CDKL4: variants seen among roughly 807,000 people sequenced by gnomAD.
CDKL4 encodes cyclin dependent kinase like 4.
In CDKL4, 44 loss-of-function variants were observed where a neutral mutation model predicts 42.0. That is an observed-to-expected ratio of 1.05 (90% CI 0.82 to 1.35). The LOEUF (loss-of-function observed/expected upper bound fraction) is 1.35, where lower values mean the gene tolerates loss of function less well. Ranked by LOEUF, CDKL4 falls within the 40% of genes most tolerant of loss-of-function variation. The pLI, the probability that CDKL4 is intolerant of heterozygous loss-of-function variation, is 0.00. For missense variants in CDKL4, 393 were observed against 369.9 expected (o/e 1.06, Z -0.51); for synonymous variants, 120 against 121.6 (o/e 0.99, Z 0.09).
In CDKL4 at chr2:39,211,159, G is replaced by T. The variant is rs112312974; in HGVS notation, c.363+2241C>A. Among the ~76,000 whole-genome samples the T allele has an allele frequency of 7.4e-3, 1,132 of 152,196 alleles. 14 individuals carry two copies. The highest frequency in any genetic ancestry group is 0.026 in the African/African-American group (1,089 of 41,510). On this transcript the variant is annotated intron_variant, in intron 4 of 9. Transcript: ENST00000451199. ...GCAGTGGTTCACACCTGTAATCCTGGCACTTTGGGCAGCCAAGGCAGGAGT... is the reference window on the plus strand; with the variant it reads ...GCAGTGGTTCACACCTGTAATCCTGTCACTTTGGGCAGCCAAGGCAGGAGT...
chr2:39,225,704 G>C (rs771945871), intron 3 of CDKL4, 135 bp downstream of exon 3: 1 of 791,010 alleles, frequency 1.3e-6, no homozygotes. Context: ...GACATCCTGA[G>C]ACTGGATGGG....
At chr2:39,246,267 C>G (rs1221332427), upstream of CDKL4, among the ~76,000 whole-genome samples, 1 of 152,188 alleles carries the variant, frequency 6.6e-6, no homozygotes, top group Non-Finnish European at 1.5e-5. Context: ...AAACCTTTAT[C>G]TCCTTCCTCT....
intron 8 of CDKL4, among the ~76,000 whole-genome samples, chr2:39,183,284 C>T (rs1301897005): frequency 6.6e-6 from 1 of 151,416 alleles, no homozygotes; most frequent in African/African-American, 2.4e-5. Context: ...AAAAAAATGT[C>T]TCAATTGCAA....
At chr2:39,175,450 C>T (rs1378793192), downstream of CDKL4, among the ~76,000 whole-genome samples, 1 of 152,136 alleles carries the variant, frequency 6.6e-6, no homozygotes, top group Non-Finnish European at 1.5e-5. Flanking sequence ...CAAAGGAGAG[C>T]CTGCCATGGA....
intron 3 of CDKL4, among the ~76,000 whole-genome samples, chr2:39,218,577 T>C (rs549203893): frequency 2.0e-5 from 3 of 152,222 alleles, no homozygotes; most frequent in South Asian, 2.1e-4. Flanking sequence ...TTTGAATCAG[T>C]AGACCGCGTA....
downstream of CDKL4, among the ~76,000 whole-genome samples, chr2:39,173,214 C>G (rs201964165): frequency 1.3e-5 from 2 of 152,044 alleles, no homozygotes; most frequent in African/African-American, 4.8e-5. Context: ...TATATAGATA[C>G]ATAATATAGA....
At chr2:39,243,826 C>A (rs527398077) in intron 1 of CDKL4, among the ~76,000 whole-genome samples, 45 bp downstream of exon 1, 63 of 152,390 alleles carry the variant, frequency 4.1e-4, no homozygotes, top group Middle Eastern at 6.8e-3. Context: ...ATCAACCCCG[C>A]ACGCTGCCCG....
intron 8 of CDKL4, 141 bp downstream of exon 8, chr2:39,184,450 A>G (rs1675609060): frequency 1.7e-6 from 1 of 588,518 alleles, no homozygotes; most frequent in African/African-American, 1.9e-5. Flanking sequence ...TTTAACTGGA[A>G]TTGTTTTACA....
chr2:39,187,767 T>A, intron 6 of CDKL4, 58 bp from the exon 7 acceptor site: 2 of 1,204,350 alleles, frequency 1.7e-6, no homozygotes, highest in Non-Finnish European at 2.4e-6. Flanking sequence ...ATCAAGTGTT[T>A]AAATGGTTAA....
chr2:39,190,376 A>C (rs765627508), exon 6 of CDKL4: 1 of 1,613,952 alleles, frequency 6.2e-7, no homozygotes, highest in African/African-American at 1.3e-5. Context: ...GCCTGTCAGG[A>C]GCTCTGCAAA....
chr2:39,185,137 CATAT>C (rs199846669), intron 7 of CDKL4, among the ~76,000 whole-genome samples: 17 of 133,768 alleles, frequency 1.3e-4, no homozygotes, highest in African/African-American at 4.2e-4. Flanking sequence ...CATATATATA[CATAT>C]ATATGTGTAT....
chr2:39,227,016 C>T (rs553138707), intron 2 of CDKL4, among the ~76,000 whole-genome samples: 56 of 152,062 alleles, frequency 3.7e-4, no homozygotes, highest in Admixed American at 7.2e-4. Flanking sequence ...AAACTGCTGA[C>T]CTCAAGCAAT....
At chr2:39,208,061 C>T (rs960058121) in intron 4 of CDKL4, among the ~76,000 whole-genome samples, 3 of 151,986 alleles carry the variant, frequency 2.0e-5, no homozygotes, top group Non-Finnish European at 4.4e-5. Context: ...GTAGTTGCGC[C>T]ACTGGACCCC....
At position 39,222,690 on chromosome 2, in the gene CDKL4, A is replaced by G. The variant is rs145445921; in HGVS notation, c.290+3149T>C. 6.5e-3 allele frequency among the ~76,000 whole-genome samples: 994 copies of G among 152,330 alleles called. 15 individuals are homozygous for G. Among genetic ancestry groups the G allele is most frequent in the African/African-American group, 0.023 (946 of 41,572 alleles). ...AATGAGAAGAACATGAGCTAAGTCT[A>G]TAGACAGGAAAGCTTAGGATACAAG... On this transcript the variant is annotated intron_variant, in intron 3 of 9. Coordinates refer to ENST00000451199, the Ensembl canonical transcript of CDKL4.
chr2:39,178,062 T>G (rs1675244452), intron 9 of CDKL4, among the ~76,000 whole-genome samples: 1 of 152,246 alleles, frequency 6.6e-6, no homozygotes, highest in Non-Finnish European at 1.5e-5. Context: ...TCAGCGATCT[T>G]TAATTTTTTT....
intron 2 of CDKL4, among the ~76,000 whole-genome samples, chr2:39,227,878 C>T (rs1678853092): frequency 6.6e-6 from 1 of 152,056 alleles, no homozygotes. Flanking sequence ...AGTAACTTGC[C>T]TAAAGAAAAA....
At chr2:39,188,484 T>G (rs1437828805) in intron 6 of CDKL4, among the ~76,000 whole-genome samples, 1 of 134,592 alleles carries the variant, frequency 7.4e-6, no homozygotes, top group Non-Finnish European at 1.5e-5. Flanking sequence ...ATCGCTTGAA[T>G]TTGGGAGGCG....
intron 1 of CDKL4, among the ~76,000 whole-genome samples, chr2:39,243,113 CAAAAAAAAAAAAAAAAAAAAA>C (rs57132937): frequency 3.1e-4 from 12 of 38,418 alleles, no homozygotes; most frequent in South Asian, 2.0e-3. Context: ...GACCCTGTCT[CAAAAAAAAAAAAAAAAAAAAA>C]AAAAAAAAAA....
At chr2:39,207,490 C>G (rs1677275322) in intron 4 of CDKL4, among the ~76,000 whole-genome samples, 1 of 152,186 alleles carries the variant, frequency 6.6e-6, no homozygotes, top group African/African-American at 2.4e-5. Context: ...GTCAGTAACA[C>G]TCATACTTGG....
Sources: allele counts gnomAD v4.1 joint callset (sites outside exome capture counted in the v4.1 genomes callset), GRCh38; gene constraint gnomAD v4.1.1; transcripts MANE v1.5; gene names NCBI Gene and HGNC (gene_info 2026-07-23, HGNC 2026-07-21).